The following ECPAS variants were observed in gnomAD, a reference collection of about 807,000 sequenced individuals.
The protein encoded by ECPAS is Ecm29 proteasome adaptor and scaffold, also known as proteasome adapter and scaffold protein ECM29.
A neutral mutation model predicts 255.1 loss-of-function variants in ECPAS; 70 were observed. That is an observed-to-expected ratio of 0.27 (90% CI 0.23 to 0.33). The LOEUF is 0.33. ECPAS is among the 10% of genes least tolerant of loss of function. The pLI, the probability that ECPAS is intolerant of heterozygous loss-of-function variation, is 1.00. For synonymous variants in ECPAS, 784 were observed against 775.0 expected (o/e 1.01, Z -0.19); for missense variants, 1,817 against 2,206.4 (o/e 0.82, Z 3.54).
At chr9:111,420,458 C>T (rs1328146049) in intron 15 of ECPAS, among the ~76,000 whole-genome samples, 1 of 152,132 alleles carries the variant, frequency 6.6e-6, no homozygotes, top group African/African-American at 2.4e-5. Context: ...GTCACTGTGA[C>T]AGTTTCTAGC....
At chr9:111,413,352 A>G (rs2131735732) in intron 20 of ECPAS, among the ~76,000 whole-genome samples, 1 of 152,368 alleles carries the variant, frequency 6.6e-6, no homozygotes, top group South Asian at 2.1e-4. Context: ...TTGTAGTGGA[A>G]TAGTTCTCTA....
Position 111,410,220 on chromosome 9 carries a change from G to C in ECPAS, c.2378-7C>G. 1 of 1,604,846 alleles carries C rather than the reference G, an allele frequency of 6.2e-7. No individual in the cohort carries two copies. Among genetic ancestry groups the C allele is most frequent in the South Asian group, 1.1e-5 (1 of 88,856 alleles). ...GTACTGTCCAAAAATGAGCCTGTAA[G>C]CACATTTAGCCAAAAAGAGAATTAC... On this transcript the variant is annotated splice_region_variant and splice_polypyrimidine_tract_variant and intron_variant, in intron 22 of 49. Coordinates refer to ENST00000684092, the MANE Select transcript of ECPAS (RefSeq NM_001364929.1).
At chr9:111,431,639 A>G (rs1564541424) in intron 8 of ECPAS, among the ~76,000 whole-genome samples, 1 of 151,452 alleles carries the variant, frequency 6.6e-6, no homozygotes, top group Non-Finnish European at 1.5e-5. Flanking sequence ...TCATAAACCT[A>G]GCAATAATGT....
At chr9:111,425,872 G>C (rs1564537144) in intron 10 of ECPAS, 44 bp from the exon 11 acceptor site, 2 of 965,514 alleles carry the variant, frequency 2.1e-6, no homozygotes, top group Non-Finnish European at 1.6e-6. Flanking sequence ...ATAAAAATAA[G>C]AATTTAATAT....
intron 49 of ECPAS, among the ~76,000 whole-genome samples, chr9:111,363,312 A>T (rs931068198): frequency 2.2e-4 from 33 of 152,292 alleles, no homozygotes; most frequent in Middle Eastern, 3.4e-3. Context: ...TAATTAACCA[A>T]GATTAAATCA....
chr9:111,475,232 T>C (rs1190669091), intron 1 of ECPAS, among the ~76,000 whole-genome samples: 2 of 152,204 alleles, frequency 1.3e-5, no homozygotes, highest in Non-Finnish European at 2.9e-5. Context: ...AAAAAATACA[T>C]GGGCAAAACA....
At chr9:111,394,114 A>G in intron 26 of ECPAS, 46 bp downstream of exon 26, 2 of 1,529,902 alleles carry the variant, frequency 1.3e-6, no homozygotes, top group Non-Finnish European at 1.8e-6. Flanking sequence ...TGCTACTTAT[A>G]ATACTGTGGT....
chr9:111,420,180 A>C, intron 15 of ECPAS, 60 bp from the exon 16 acceptor site: 1 of 1,086,144 alleles, frequency 9.2e-7, no homozygotes. Context: ...AAAAAAATCA[A>C]TTACCAGCCA....
chr9:111,469,784 G>C (rs1293481056), intron 2 of ECPAS, among the ~76,000 whole-genome samples: 2 of 151,740 alleles, frequency 1.3e-5, no homozygotes, highest in Non-Finnish European at 2.9e-5. Context: ...ACTCCAGCCT[G>C]AGTGACAGAG....
chr9:111,371,062 C>T (rs915581788), intron 43 of ECPAS, among the ~76,000 whole-genome samples: 4 of 152,130 alleles, frequency 2.6e-5, no homozygotes, highest in African/African-American at 9.7e-5. Context: ...ACTCCCAGTC[C>T]GGTACTACTT....
intron 2 of ECPAS, among the ~76,000 whole-genome samples, chr9:111,460,945 C>T (rs969986333): frequency 1.3e-4 from 20 of 152,050 alleles, no homozygotes; most frequent in African/African-American, 4.8e-4. Flanking sequence ...CACAGTGGCT[C>T]GAGCCTATAG....
chr9:111,476,134 G>A (rs1025299024), intron 1 of ECPAS, among the ~76,000 whole-genome samples: 4 of 152,192 alleles, frequency 2.6e-5, no homozygotes, highest in African/African-American at 9.6e-5. Context: ...ATTGAATAGT[G>A]CATCCTTCAA....
At chr9:111,453,661 G>A (rs1425504482) in intron 2 of ECPAS, among the ~76,000 whole-genome samples, 2 of 152,274 alleles carry the variant, frequency 1.3e-5, no homozygotes, top group East Asian at 1.9e-4. Context: ...ATGATGTCGT[G>A]CAGATATCAC....
At chr9:111,366,676 A>G (rs767277543) in intron 46 of ECPAS, 49 bp from the exon 47 acceptor site, 1 of 1,211,168 alleles carries the variant, frequency 8.3e-7, no homozygotes, top group Non-Finnish European at 1.2e-6. Context: ...GTATAAAAGA[A>G]CAAGAGATGG....
At chr9:111,472,590 T>C (rs1056465982) in intron 2 of ECPAS, among the ~76,000 whole-genome samples, 4 of 150,834 alleles carry the variant, frequency 2.7e-5, no homozygotes, top group African/African-American at 9.8e-5. Context: ...CAATGAGCCA[T>C]GACTGCCCCA....
intron 2 of ECPAS, among the ~76,000 whole-genome samples, chr9:111,466,548 T>A (rs2098279801): frequency 6.6e-6 from 1 of 151,706 alleles, no homozygotes. Context: ...AAAATCCAGT[T>A]TAGCTCATGT....
At chr9:111,453,727 A>G (rs2098263347) in intron 2 of ECPAS, among the ~76,000 whole-genome samples, 2 of 152,224 alleles carry the variant, frequency 1.3e-5, no homozygotes, top group African/African-American at 2.4e-5. Flanking sequence ...TATTCATAAC[A>G]AAAACCCATA....
intron 48 of ECPAS, 128 bp from the exon 49 acceptor site, chr9:111,363,787 T>G (rs146637997): frequency 3.2e-4 from 189 of 586,774 alleles, no homozygotes; most frequent in African/African-American, 2.4e-3. Flanking sequence ...CTGATTTTTT[T>G]TTTTTAAAGG....
chr9:111,455,545 C>G lies in ECPAS; in HGVS notation c.23-3990G>C, dbSNP rs559581763. Among the ~76,000 whole-genome samples, 13 of 152,318 alleles carry G rather than the reference C, an allele frequency of 8.5e-5. No homozygotes were observed. In the South Asian group the frequency reaches 1.2e-3, roughly 15 times the overall value. Reference sequence around the variant, plus strand: ...GCTGAGGCTGGCCCATGGCTGATATCTGGAAACCTGGATTTCAGCAGGGTT... The same window carrying G: ...GCTGAGGCTGGCCCATGGCTGATATGTGGAAACCTGGATTTCAGCAGGGTT... On this transcript the variant is annotated intron_variant, in intron 2 of 49. Transcript: ENST00000684092.
Sources: allele counts gnomAD v4.1 joint callset (sites outside exome capture counted in the v4.1 genomes callset), GRCh38; gene constraint gnomAD v4.1.1; transcripts MANE v1.5; gene names NCBI Gene and HGNC (gene_info 2026-07-23, HGNC 2026-07-21).